Variants in TRIM5 observed in about 807,000 individuals in gnomAD.
The protein encoded by TRIM5 is tripartite motif-containing protein 5.
A neutral mutation model predicts 35.6 loss-of-function variants in TRIM5; 31 were observed. That is an observed-to-expected ratio of 0.87 (90% confidence interval 0.65 to 1.18). The LOEUF is 1.18. Ranked by LOEUF, TRIM5 falls within the 50% of genes most tolerant of loss-of-function variation. The pLI, the probability that TRIM5 is intolerant of heterozygous loss-of-function variation, is 0.00. For missense variants in TRIM5, 609 were observed against 591.6 expected (o/e 1.03, Z -0.31); for synonymous variants, 243 against 215.6 (o/e 1.13, Z -1.11).
At chr11:5,601,443 A>G in the TRIM5 span, among the ~76,000 whole-genome samples, 32 of 152,356 alleles carry the variant, frequency 2.1e-4, no homozygotes, top group East Asian at 5.8e-3. Context: ...AACTGGTTAC[A>G]GAATCATGAG....
rs754034434 is a variant in TRIM5, at chr11:5,664,960, T to C, written c.1331A>G (p.Tyr444Cys). 225 of 1,613,916 alleles carry C rather than the reference T, an allele frequency of 1.4e-4. No individual in the cohort carries two copies. The highest frequency in any genetic ancestry group is 1.7e-4 in the Non-Finnish European group (199 of 1,180,016). ...CPDRVGVFLD[Y>C]EACTVSFFNI... Reference sequence around the variant, plus strand: ...GAAGAATGAGACAGTGCAAGCCTCATAGTCTAGGAAAACTCCAACACGATC... The same window carrying C: ...GAAGAATGAGACAGTGCAAGCCTCACAGTCTAGGAAAACTCCAACACGATC... The change falls in exon 8 of 8, where the codon TAT (tyrosine) becomes TGT (cysteine). Residue 444 changes from tyrosine (Y) to cysteine (C), a missense_variant. Coordinates refer to ENST00000380034, the MANE Select transcript of TRIM5 (RefSeq NM_033034.3).
At chr11:5,599,316 T>G in the TRIM5 span, among the ~76,000 whole-genome samples, 1 of 152,232 alleles carries the variant, frequency 6.6e-6, no homozygotes, top group Non-Finnish European at 1.5e-5. Context: ...AAAGTGTGCA[T>G]GTGTTTGTTG....
the TRIM5 span, among the ~76,000 whole-genome samples, chr11:5,599,453 G>T: frequency 6.6e-6 from 1 of 151,544 alleles, no homozygotes; most frequent in African/African-American, 2.4e-5. Flanking sequence ...GCCCAGGCTG[G>T]AGTGCAGTGG....
At chr11:5,605,944 C>T in the TRIM5 span, among the ~76,000 whole-genome samples, 1 of 152,184 alleles carries the variant, frequency 6.6e-6, no homozygotes, top group African/African-American at 2.4e-5. Flanking sequence ...TTAGCAGCGT[C>T]TCTGGCCTCT....
chr11:5,619,789 G>C, the TRIM5 span: 1 of 120,544 alleles, frequency 8.3e-6, no homozygotes, highest in African/African-American at 3.2e-5. Flanking sequence ...TGCAACCTCT[G>C]TCTCCTGGGT....
Position 5,664,463 on chromosome 11 carries a change from T to G in TRIM5, c.*346A>C. 1 of 1,033,438 alleles carries G rather than the reference T, an allele frequency of 9.7e-7. No homozygotes were observed. The highest frequency in any genetic ancestry group is 1.2e-6 in the Non-Finnish European group (1 of 859,608). The allele number at this position is 1,033,438 out of a possible 1,614,324, so 64.0% of individuals were successfully genotyped here. A position where few individuals can be genotyped will look rare whatever the true frequency, so the allele number is the denominator to read the frequency against. ...ATCACACGATGATATAGAAAGGCTG[T>G]TGAAAAGCTTTTCTTCATCTTCTTA... is the stretch of plus-strand genomic sequence containing the variant. On this transcript the variant is annotated 3_prime_UTR_variant, in exon 8 of 8. Transcript: ENST00000380034.
At chr11:5,645,176 G>A in the TRIM5 span, among the ~76,000 whole-genome samples, 3 of 152,128 alleles carry the variant, frequency 2.0e-5, no homozygotes, top group South Asian at 2.1e-4. Context: ...AGGATCACGT[G>A]AGGTCAGGAG....
chr11:5,620,919 A>G, the TRIM5 span, among the ~76,000 whole-genome samples: 644 of 152,288 alleles, frequency 4.2e-3, 2 homozygotes, highest in South Asian at 0.011. Flanking sequence ...TTTGTTGCCA[A>G]CTATCCTTTC....
chr11:5,661,591 C>G (rs1023307016), downstream of TRIM5, among the ~76,000 whole-genome samples: 4 of 152,268 alleles, frequency 2.6e-5, no homozygotes, highest in Middle Eastern at 3.4e-3. Flanking sequence ...CAGCATAGAT[C>G]TGAAGTCTCA....
the TRIM5 span, among the ~76,000 whole-genome samples, chr11:5,653,743 G>A: frequency 6.6e-5 from 10 of 151,866 alleles, no homozygotes; most frequent in Non-Finnish European, 1.3e-4. Context: ...CACCTGCCTC[G>A]GCCTCCCAAA....
chr11:5,642,746 A>G, the TRIM5 span: 1 of 1,595,306 alleles, frequency 6.3e-7, no homozygotes, highest in Non-Finnish European at 8.5e-7. Flanking sequence ...TCCCTACTCT[A>G]AAGAATATAT....
the TRIM5 span, among the ~76,000 whole-genome samples, chr11:5,617,832 CATT>C: frequency 7.0e-6 from 1 of 143,498 alleles, no homozygotes; most frequent in Admixed American, 6.9e-5. Flanking sequence ...TAGGTACTGT[CATT>C]ATCCTTTTTT....
chr11:5,662,842 T>C (rs77628708), downstream of TRIM5, among the ~76,000 whole-genome samples: 13,307 of 152,138 alleles, frequency 0.087, 970 homozygotes, highest in East Asian at 0.29. Flanking sequence ...ATAGACACCA[T>C]AATGAGGCCG....
In TRIM5 at chr11:5,667,715, GGAA is replaced by G; in HGVS notation, c.745-7_745-5del. On this transcript the variant is annotated splice_polypyrimidine_tract_variant and splice_region_variant and intron_variant, in intron 4 of 7. Coordinates refer to ENST00000380034, the MANE Select transcript of TRIM5 (RefSeq NM_033034.3). The stretch of plus-strand genomic sequence containing the variant: ...TTTTTATGACGCCATCCACACCCTA[GGAA>G]GAAGAGAGAAAACATCAATTAAGAA... 6.2e-7 allele frequency: 1 copy of G among 1,613,126 alleles called. No homozygotes were observed. The highest frequency in any genetic ancestry group is 1.7e-5 in the Admixed American group (1 of 59,782).
chr11:5,607,566 A>G, the TRIM5 span, among the ~76,000 whole-genome samples: 1 of 152,232 alleles, frequency 6.6e-6, no homozygotes, highest in East Asian at 1.9e-4. Context: ...GAATAGGCCA[A>G]TTCCACAGAA....
At chr11:5,603,177 G>T in the TRIM5 span, 1 of 1,553,704 alleles carries the variant, frequency 6.4e-7, no homozygotes, top group South Asian at 1.2e-5. Context: ...CCAGGACTGG[G>T]CAGTCAGTAT....
the TRIM5 span, among the ~76,000 whole-genome samples, chr11:5,655,907 G>A: frequency 2.6e-5 from 4 of 152,184 alleles, no homozygotes; most frequent in African/African-American, 4.8e-5. Context: ...ATGGGGAAAG[G>A]ATTCTCTATT....
In TRIM5 at chr11:5,679,823, G is replaced by A. The variant is rs141064413; in HGVS notation, c.355C>T (p.Arg119Trp). Residue 119 changes from arginine to tryptophan, a missense_variant, in exon 2 of 8, where the codon CGG becomes TGG. Transcript: ENST00000380034. Reference protein sequence around the residue: ...DGKVICWLCERSQEHRGHHTF... With the variant: ...DGKVICWLCEWSQEHRGHHTF... Reference sequence around the variant, plus strand: ...TGGTGACCACGGTGCTCCTGAGACCGCTCACAAAGCCAGCAAATGACCTTC... The same window carrying A: ...TGGTGACCACGGTGCTCCTGAGACCACTCACAAAGCCAGCAAATGACCTTC... The A allele has an allele frequency of 9.2e-4, 1,483 of 1,612,786 alleles. 2 individuals are homozygous for A. The highest frequency in any genetic ancestry group is 1.2e-3 in the Non-Finnish European group (1,410 of 1,179,546).
the TRIM5 span, among the ~76,000 whole-genome samples, chr11:5,652,224 C>A: frequency 1.3e-5 from 2 of 152,084 alleles, no homozygotes; most frequent in Non-Finnish European, 2.9e-5. Context: ...GAGTCTTTGT[C>A]ATGACATCTT....
Sources: allele counts gnomAD v4.1 joint callset (sites outside exome capture counted in the v4.1 genomes callset), GRCh38; gene constraint gnomAD v4.1.1; transcripts MANE v1.5; gene names NCBI Gene and HGNC (gene_info 2026-07-23, HGNC 2026-07-21).